The following OR51B5 variants were observed in gnomAD, a reference collection of about 807,000 sequenced individuals.
OR51B5 encodes the protein olfactory receptor 51B5.
For synonymous variants in OR51B5, 186 were observed against 144.8 expected (o/e 1.28, Z -2.04); for missense variants, 456 against 374.6 (o/e 1.22, Z -1.79).
rs528939642 is a variant in OR51B5 at position 5,393,823 on chromosome 11, A to G, written n.85-46913T>C. Among the ~76,000 whole-genome samples the G allele has an allele frequency of 1.2e-4, 19 of 152,310 alleles. No individual in the cohort carries two copies. In the South Asian group the frequency reaches 1.5e-3, roughly 12 times the overall value. On this transcript the variant is annotated intron_variant and non_coding_transcript_variant, in intron 1 of 4. Coordinates refer to the OR51B5 transcript ENST00000415970. ...AGCAACTTTCCTTAGTTAAATCATT[A>G]ATGTAAGTCAGAACTGAAATTCAAT...
chr11:5,422,858 T>C (rs780098554), intron 1 of OR51B5: 18 of 1,614,188 alleles, frequency 1.1e-5, no homozygotes, highest in Non-Finnish European at 1.5e-5. Flanking sequence ...TGTGATCTCC[T>C]ATACACTTAT....
At chr11:5,394,786 A>G (rs923612237) in intron 1 of OR51B5, among the ~76,000 whole-genome samples, 10 of 152,168 alleles carry the variant, frequency 6.6e-5, no homozygotes, top group Non-Finnish European at 1.5e-4. Flanking sequence ...TTTTTTTCAC[A>G]TCAACCTCCT....
intron 1 of OR51B5, among the ~76,000 whole-genome samples, chr11:5,494,700 T>G (rs1320009251): frequency 6.6e-6 from 1 of 152,234 alleles, no homozygotes; most frequent in Non-Finnish European, 1.5e-5. Flanking sequence ...AGACTGTGTT[T>G]CATCATGTAT....
intron 1 of OR51B5, among the ~76,000 whole-genome samples, chr11:5,501,647 A>C (rs1379296128): frequency 1.4e-5 from 2 of 148,050 alleles, no homozygotes; most frequent in African/African-American, 4.9e-5. Context: ...CTTTATAACA[A>C]GATTGTCCCT....
At chr11:5,457,899 C>T (rs1850983739) in intron 1 of OR51B5, among the ~76,000 whole-genome samples, 3 of 152,064 alleles carry the variant, frequency 2.0e-5, no homozygotes. Context: ...AGTATTCACT[C>T]CCATTCTGTA....
intron 1 of OR51B5, among the ~76,000 whole-genome samples, chr11:5,387,230 TAG>T (rs964757469): frequency 3.0e-4 from 46 of 152,130 alleles, no homozygotes; most frequent in African/African-American, 1.1e-3. Flanking sequence ...TAAGAATTTC[TAG>T]AGAGAGCTCT....
intron 1 of OR51B5, among the ~76,000 whole-genome samples, chr11:5,478,056 C>A (rs1270016257): frequency 6.6e-6 from 1 of 151,836 alleles, no homozygotes. Flanking sequence ...CCTCTGGGGG[C>A]AGGGCACAGA....
At chr11:5,370,028 T>C (rs1849425707) in intron 1 of OR51B5, among the ~76,000 whole-genome samples, 9 of 152,160 alleles carry the variant, frequency 5.9e-5, no homozygotes, top group Admixed American at 5.2e-4. Flanking sequence ...TCCCTCTGCA[T>C]GGCCCCAGGA....
intron 1 of OR51B5, chr11:5,453,937 C>T (rs968167159): frequency 1.2e-6 from 2 of 1,614,032 alleles, no homozygotes; most frequent in Non-Finnish European, 1.7e-6. Context: ...GGTGCAGCTG[C>T]TCGAAGCTTC....
chr11:5,464,611 T>C (rs1378791682), intron 1 of OR51B5, among the ~76,000 whole-genome samples: 1 of 152,000 alleles, frequency 6.6e-6, no homozygotes, highest in African/African-American at 2.4e-5. Flanking sequence ...ACAAAGGACA[T>C]GAACTCATCA....
At chr11:5,396,747 T>G (rs915308197) in intron 1 of OR51B5, among the ~76,000 whole-genome samples, 17 of 151,898 alleles carry the variant, frequency 1.1e-4, no homozygotes, top group African/African-American at 2.2e-4. Context: ...CATCGCCAAG[T>G]CAATCCTAAG....
chr11:5,372,027 T>C (rs1476463922), intron 1 of OR51B5, among the ~76,000 whole-genome samples: 1 of 152,168 alleles, frequency 6.6e-6, no homozygotes, highest in African/African-American at 2.4e-5. Context: ...TTATTTCACT[T>C]AGCAAAATGT....
chr11:5,384,175 C>A (rs547801746), intron 1 of OR51B5, among the ~76,000 whole-genome samples: 1 of 151,910 alleles, frequency 6.6e-6, no homozygotes, highest in Non-Finnish European at 1.5e-5. Flanking sequence ...GTTGTTGTTT[C>A]TTTGTTTGTT....
At chr11:5,461,264 G>A (rs1851046294) in intron 1 of OR51B5, among the ~76,000 whole-genome samples, 1 of 152,184 alleles carries the variant, frequency 6.6e-6, no homozygotes, top group Non-Finnish European at 1.5e-5. Context: ...GCCAGGGGGT[G>A]GAGGCGAGGC....
intron 1 of OR51B5, among the ~76,000 whole-genome samples, chr11:5,381,159 T>TTA (rs1849604113): frequency 9.1e-6 from 1 of 110,138 alleles, no homozygotes; most frequent in African/African-American, 3.0e-5. Context: ...CGCTCGCTGT[T>TTA]TCTCTCTCTC....
chr11:5,462,851 G>A (rs751187532), intron 1 of OR51B5, among the ~76,000 whole-genome samples: 10 of 152,184 alleles, frequency 6.6e-5, no homozygotes, highest in Non-Finnish European at 1.5e-4. Flanking sequence ...GCATTTGCTC[G>A]TAAATGCTTT....
intron 1 of OR51B5, chr11:5,383,752 A>G (rs1330333276): frequency 6.6e-6 from 1 of 152,110 alleles, no homozygotes; most frequent in Non-Finnish European, 1.5e-5. Context: ...CCCTTTGTTT[A>G]CCATTAAGTT....
chr11:5,418,024 T>G (rs1251630192), intron 1 of OR51B5, among the ~76,000 whole-genome samples: 1 of 45,748 alleles, frequency 2.2e-5, no homozygotes, highest in African/African-American at 4.4e-5. Flanking sequence ...TGTCCAATAA[T>G]GATAGACTAA....
intron 1 of OR51B5, among the ~76,000 whole-genome samples, chr11:5,371,992 G>A (rs956228961): frequency 6.6e-6 from 1 of 151,888 alleles, no homozygotes; most frequent in Non-Finnish European, 1.5e-5. Context: ...GTAATATCAT[G>A]CCTTTATTTG....
Sources: gnomAD v4.1 joint callset for allele counts (sites outside exome capture counted in the v4.1 genomes callset) on GRCh38, gnomAD v4.1.1 for gene constraint, MANE v1.5 for transcripts, NCBI Gene and HGNC (gene_info 2026-07-23, HGNC 2026-07-21) for gene names.